RARB: variants seen among roughly 807,000 people sequenced by gnomAD.
RARB encodes the protein retinoic acid receptor beta, also known as HBV-activated protein.
RARB carries 17 observed loss-of-function variants against 51.9 expected under a neutral mutation model. The ratio of observed to expected loss-of-function variants is 0.33; its 90% CI spans 0.22 to 0.49. The LOEUF (loss-of-function observed/expected upper bound fraction) is 0.49. RARB is among the 20% of genes least tolerant of loss of function. The pLI is 0.99. For missense variants in RARB, 369 were observed against 550.8 expected, an observed-to-expected ratio of 0.67 and a Z score of 3.30; for synonymous variants, 215 against 195.4, an observed-to-expected ratio of 1.10 and a Z score of -0.84.
At chr3:25,006,143 C>G (rs748550525) in intron 2 of RARB, among the ~76,000 whole-genome samples, 3 of 152,080 alleles carry the variant, frequency 2.0e-5, no homozygotes, top group Non-Finnish European at 4.4e-5. Flanking sequence ...TCCTGACCAC[C>G]TTATGAAATA....
intron 2 of RARB, among the ~76,000 whole-genome samples, chr3:24,946,694 T>A (rs1481535007): frequency 6.6e-6 from 1 of 152,006 alleles, no homozygotes; most frequent in Non-Finnish European, 1.5e-5. Context: ...CATAGTGAGA[T>A]CCTGTCTTTA....
At chr3:25,270,937 C>G (rs1297313721) in intron 5 of RARB, among the ~76,000 whole-genome samples, 10 of 152,218 alleles carry the variant, frequency 6.6e-5, no homozygotes, top group African/African-American at 2.4e-4. Context: ...GCTTAAGCCC[C>G]CAGTCTTCAG....
chr3:25,567,403 T>C (rs1317406182), intron 3 of RARB, among the ~76,000 whole-genome samples: 2 of 152,188 alleles, frequency 1.3e-5, no homozygotes, highest in African/African-American at 4.8e-5. Flanking sequence ...AATCACACAA[T>C]GTGTGGCCTT....
At chr3:24,864,820 A>G (rs528777284) in intron 2 of RARB, among the ~76,000 whole-genome samples, 1 of 152,338 alleles carries the variant, frequency 6.6e-6, no homozygotes, top group East Asian at 1.9e-4. Flanking sequence ...TTATCCCAGA[A>G]CATCAAAAGC....
intron 5 of RARB, among the ~76,000 whole-genome samples, chr3:25,582,958 T>C (rs980241783): frequency 2.0e-5 from 3 of 152,198 alleles, no homozygotes; most frequent in Admixed American, 6.5e-5. Flanking sequence ...TAGCCAATGA[T>C]GTTGATGACA....
chr3:25,429,034 C>T lies in RARB; in HGVS notation c.157+146C>T, dbSNP rs1382119210. 2.8e-6 allele frequency: 3 copies of T among 1,074,792 alleles called. No individual in the cohort carries two copies. In the African/African-American group the frequency reaches 4.8e-5, roughly 17 times the overall value. 66.6% of individuals were successfully genotyped at this position (1,074,792 alleles called of 1,614,324 possible). A position where few individuals can be genotyped will look rare whatever the true frequency, so the allele number is the denominator to read the frequency against. On this transcript the variant is annotated intron_variant, in intron 1 of 7. Transcript: ENST00000330688. ...TGAAGGGGTGTGATATGCTGGCATG[C>T]ATATTGATTCCCTTTGCTGAAAATT...
intron 5 of RARB, among the ~76,000 whole-genome samples, chr3:25,238,330 G>A (rs1702352246): frequency 6.6e-6 from 1 of 152,062 alleles, no homozygotes; most frequent in African/African-American, 2.4e-5. Flanking sequence ...AAAATGACAT[G>A]ATTTTATTGT....
intron 3 of RARB, among the ~76,000 whole-genome samples, chr3:25,568,915 C>T (rs1197730989): frequency 1.3e-5 from 2 of 152,228 alleles, no homozygotes; most frequent in South Asian, 2.1e-4. Flanking sequence ...GAGTTACACT[C>T]GGATTTGAAG....
intron 5 of RARB, among the ~76,000 whole-genome samples, chr3:25,581,158 C>T (rs901537810): frequency 1.3e-5 from 2 of 152,206 alleles, no homozygotes; most frequent in African/African-American, 2.4e-5. Context: ...CCACCACACA[C>T]GGGGACCTCT....
chr3:25,461,263 A>C lies in RARB; in HGVS notation c.228A>C (p.Arg76=), dbSNP rs751463620. Residue 76 remains arginine, a synonymous_variant, in exon 2 of 8, where the codon CGA becomes CGC. Transcript: ENST00000330688. ...PSPPSPLPPP[R]VYKPCFVCQD... ...CCCCATCTCCACTTCCTCCCCCTCG[A>C]GTGTACAAACCCTGCTTCGTCTGCC... 1.9e-6 allele frequency: 3 copies of C among 1,612,954 alleles called. No individual in the cohort carries two copies. The highest frequency in any genetic ancestry group is 2.5e-6 in the Non-Finnish European group (3 of 1,179,712).
chr3:25,362,489 G>T (rs891024919), intron 5 of RARB, among the ~76,000 whole-genome samples: 11 of 152,170 alleles, frequency 7.2e-5, no homozygotes, highest in African/African-American at 2.7e-4. Context: ...GAACGGTTCT[G>T]TCTCGCTGGC....
intron 3 of RARB, among the ~76,000 whole-genome samples, chr3:25,503,021 G>A (rs1045144687): frequency 6.6e-6 from 1 of 152,220 alleles, no homozygotes; most frequent in South Asian, 2.1e-4. Context: ...TGGGTCATCA[G>A]ACAGGAAAGC....
At chr3:24,848,141 C>G (rs868569) in intron 1 of RARB, among the ~76,000 whole-genome samples, 52,635 of 152,144 alleles carry the variant, frequency 0.35, 9,837 homozygotes, top group Middle Eastern at 0.46. Context: ...CTCATTGCAA[C>G]CTCTGCCTCC....
intron 5 of RARB, among the ~76,000 whole-genome samples, chr3:25,584,075 T>A (rs1368946424): frequency 6.6e-6 from 1 of 152,150 alleles, no homozygotes. Flanking sequence ...CTCTCTCAAC[T>A]TAAAATAAAA....
intron 3 of RARB, among the ~76,000 whole-genome samples, chr3:25,107,142 C>G (rs1348513936): frequency 6.6e-6 from 1 of 152,206 alleles, no homozygotes; most frequent in Non-Finnish European, 1.5e-5. Context: ...CTCAGGTGAT[C>G]TACCTGCCTC....
chr3:24,944,110 C>T (rs1367819224), intron 2 of RARB, among the ~76,000 whole-genome samples: 1 of 152,162 alleles, frequency 6.6e-6, no homozygotes, highest in Non-Finnish European at 1.5e-5. Flanking sequence ...TCTGACTCAT[C>T]CTCTTTACTG....
intron 4 of RARB, among the ~76,000 whole-genome samples, chr3:25,144,663 G>C (rs1412517698): frequency 1.3e-5 from 2 of 152,190 alleles, no homozygotes; most frequent in African/African-American, 4.8e-5. Context: ...ACATTAGGTA[G>C]ATTGGGCTAA....
At chr3:25,540,345 G>C (rs1171510732) in intron 3 of RARB, among the ~76,000 whole-genome samples, 1 of 151,344 alleles carries the variant, frequency 6.6e-6, no homozygotes, top group African/African-American at 2.5e-5. Context: ...AATTTGATCT[G>C]GAGCCTCAGT....
intron 2 of RARB, among the ~76,000 whole-genome samples, chr3:24,876,665 T>C (rs558414305): frequency 1.3e-5 from 2 of 152,272 alleles, no homozygotes; most frequent in Admixed American, 1.3e-4. Flanking sequence ...GTCTGTCTTC[T>C]AATGCAATTT....
Sources: allele counts gnomAD v4.1 joint callset (sites outside exome capture counted in the v4.1 genomes callset), GRCh38; gene constraint gnomAD v4.1.1; transcripts MANE v1.5; gene names NCBI Gene and HGNC (gene_info 2026-07-23, HGNC 2026-07-21).